Variants in RRM2 observed in about 807,000 individuals in gnomAD.
The protein encoded by RRM2 is ribonucleoside-diphosphate reductase subunit M2.
A neutral mutation model predicts 45.9 loss-of-function variants in RRM2; 6 were observed. That is an observed-to-expected ratio of 0.13 (90% CI 0.07 to 0.26). RRM2 has a LOEUF of 0.26. Ranked by LOEUF, RRM2 falls within the 10% of genes least tolerant of loss-of-function variation. RRM2 has a pLI of 1.00. For missense variants in RRM2, 343 were observed against 489.5 expected, an observed-to-expected ratio of 0.70 and a Z score of 2.82; for synonymous variants, 177 against 173.0, an observed-to-expected ratio of 1.02 and a Z score of -0.18.
At position 10,204,855 on chromosome 2, in the gene RRM2, G is replaced by A. The variant is rs781161746; in HGVS notation, n.483-5456G>A. Among the ~76,000 whole-genome samples the A allele has an allele frequency of 6.6e-6, 1 of 152,192 alleles. No homozygotes were observed. Among genetic ancestry groups the A allele is most frequent in the East Asian group, 1.9e-4 (1 of 5,194 alleles). On this transcript the variant is annotated intron_variant and non_coding_transcript_variant, in intron 3 of 3. Coordinates refer to the RRM2 transcript ENST00000381786. The surrounding 1 kb of genome is among the most constrained non-coding windows in gnomAD (Gnocchi z 4.0). Reference sequence around the variant, plus strand: ...CCGTCCTGATGTGGTCAGAGATGTCGTCATGTGCCACTAACAGGCGTCGCC... The same window carrying A: ...CCGTCCTGATGTGGTCAGAGATGTCATCATGTGCCACTAACAGGCGTCGCC...
chr2:10,122,605 G>A (rs936749122), upstream of RRM2: 11 of 1,509,014 alleles, frequency 7.3e-6, no homozygotes, highest in African/African-American at 1.4e-4. Context: ...CTGGGTAGGG[G>A]CAAGGCGCAG....
At chr2:10,123,568 C>A in intron 3 of RRM2, 38 bp downstream of exon 3, 1 of 1,581,788 alleles carries the variant, frequency 6.3e-7, no homozygotes, top group Non-Finnish European at 8.6e-7. Flanking sequence ...GCAGGGGTGA[C>A]CGTCACGCCT....
intron 3 of RRM2, among the ~76,000 whole-genome samples, chr2:10,143,666 T>A (rs1301528004): frequency 2.0e-5 from 3 of 151,966 alleles, no homozygotes; most frequent in Non-Finnish European, 4.4e-5. Context: ...GCTCGCTACC[T>A]CTGCACAATT....
chr2:10,127,007 A>G lies in RRM2; in HGVS notation c.664+38A>G. 3 of 1,611,886 alleles carry G rather than the reference A, an allele frequency of 1.9e-6. No individual in the cohort carries two copies. Among genetic ancestry groups the G allele is most frequent in the East Asian group, 4.5e-5 (2 of 44,850 alleles). ...TTGCCCCTACTTAAACCTGAGCTTC[A>G]TTTTCCAAGTAATGTTACTGGATTT... On this transcript the variant is annotated intron_variant, in intron 6 of 9. Coordinates refer to ENST00000304567, the MANE Select transcript of RRM2 (RefSeq NM_001034.4). This position sits in a 1 kb window ranked among gnomAD's most constrained non-coding sequence, Gnocchi z 4.1.
At chr2:10,138,229 G>A (rs1034387246), upstream of RRM2, among the ~76,000 whole-genome samples, 13 of 150,696 alleles carry the variant, frequency 8.6e-5, no homozygotes, top group Non-Finnish European at 1.8e-4. Flanking sequence ...GTGCAATGGC[G>A]CAATCTCAGC....
chr2:10,207,214 C>T (rs1008694666), intron 3 of RRM2, among the ~76,000 whole-genome samples: 3 of 152,278 alleles, frequency 2.0e-5, no homozygotes, highest in African/African-American at 7.2e-5. Flanking sequence ...TCCCCCATAT[C>T]CAGTCACCTC....
intron 3 of RRM2, among the ~76,000 whole-genome samples, chr2:10,178,161 C>G (rs1016281300): frequency 2.7e-5 from 4 of 150,494 alleles, no homozygotes; most frequent in Non-Finnish European, 4.4e-5. Context: ...CTCCTGACCT[C>G]GTGATCTGCC....
intron 3 of RRM2, chr2:10,142,443 G>C: frequency 5.2e-6 from 7 of 1,346,256 alleles, no homozygotes; most frequent in Non-Finnish European, 7.0e-6. Flanking sequence ...TGCGGGGCCT[G>C]TCATCTGCTG....
At chr2:10,124,575 C>CA in intron 4 of RRM2, 142 bp from the exon 5 acceptor site, 1 of 896,676 alleles carries the variant, frequency 1.1e-6, no homozygotes. Context: ...CATAAAATAT[C>CA]AAAGAATTGT....
intron 3 of RRM2, among the ~76,000 whole-genome samples, chr2:10,181,388 C>G (rs1039740208): frequency 6.6e-6 from 1 of 152,168 alleles, no homozygotes; most frequent in Non-Finnish European, 1.5e-5. Context: ...TTTCAAGGAA[C>G]CAACTTTAGG....
At position 10,123,804 on chromosome 2, in the gene RRM2, T is replaced by C. The variant is rs1662722406; in HGVS notation, c.387T>C (p.His129=). 3 of 1,612,506 alleles carry C rather than the reference T, an allele frequency of 1.9e-6. No individual in the cohort carries two copies. Among genetic ancestry groups the C allele is most frequent in the Non-Finnish European group, 2.5e-6 (3 of 1,178,500 alleles). Residue 129 remains histidine (H), a synonymous_variant, in exon 4 of 10, where the codon CAT becomes CAC. Coordinates refer to ENST00000304567, the MANE Select transcript of RRM2 (RefSeq NM_001034.4). The part of the protein sequence containing the change: ...LKPEERYFIS[H]VLAFFAASDG... ...CCGAGGAGAGATATTTTATATCCCA[T>C]GTTCTGGCTTTCTTTGCAGCAAGCG...
intron 5 of RRM2, among the ~76,000 whole-genome samples, chr2:10,125,991 G>C (rs1662769091): frequency 6.6e-6 from 1 of 151,860 alleles, no homozygotes; most frequent in Non-Finnish European, 1.5e-5. Context: ...GAGGGACAGT[G>C]AGATGGAAAG....
chr2:10,199,547 C>T (rs866415289), intron 3 of RRM2, among the ~76,000 whole-genome samples: 11 of 151,668 alleles, frequency 7.3e-5, no homozygotes, highest in African/African-American at 9.7e-5. Context: ...TTTGGGAGGC[C>T]GAGGTGGGCG....
intron 3 of RRM2, among the ~76,000 whole-genome samples, chr2:10,145,275 G>A (rs954920274): frequency 3.3e-5 from 5 of 152,092 alleles, no homozygotes; most frequent in East Asian, 1.9e-4. Context: ...AGTCCATCCC[G>A]AAAGTTGTAA....
chr2:10,141,592 T>TG, exon 1 of RRM2: 1 of 488,590 alleles, frequency 2.0e-6, no homozygotes. Flanking sequence ...TGTCTGGTCT[T>TG]GGAGTCAAGA....
At chr2:10,189,776 T>G (rs1664245681) in intron 3 of RRM2, among the ~76,000 whole-genome samples, 1 of 152,248 alleles carries the variant, frequency 6.6e-6, no homozygotes, top group Non-Finnish European at 1.5e-5. Flanking sequence ...ACATGAGGCA[T>G]GGTGACACTA....
At chr2:10,156,819 T>C (rs1663436083) in intron 3 of RRM2, among the ~76,000 whole-genome samples, 1 of 151,806 alleles carries the variant, frequency 6.6e-6, no homozygotes, top group Admixed American at 6.6e-5. Flanking sequence ...TTGTATTTTT[T>C]GGTAGAGACA....
At chr2:10,201,632 T>C (rs1472676363) in intron 3 of RRM2, among the ~76,000 whole-genome samples, 12 of 152,234 alleles carry the variant, frequency 7.9e-5, no homozygotes, top group Non-Finnish European at 1.2e-4. Context: ...ACAACAATTG[T>C]TCATGGATGA....
At chr2:10,141,845 C>T (rs1376463070) in intron 1 of RRM2, 7 of 1,554,490 alleles carry the variant, frequency 4.5e-6, no homozygotes, top group Non-Finnish European at 6.1e-6. Context: ...CCTGTATGCA[C>T]TGCTGCAGGT....
Sources: allele counts gnomAD v4.1 joint callset (sites outside exome capture counted in the v4.1 genomes callset), GRCh38; gene constraint gnomAD v4.1.1; non-coding constraint Gnocchi (gnomAD v3.1); transcripts MANE v1.5; gene names NCBI Gene and HGNC (gene_info 2026-07-23, HGNC 2026-07-21).